The following MCTP1 variants were observed in gnomAD, a reference collection of about 807,000 sequenced individuals.
MCTP1 encodes multiple C2 and transmembrane domain-containing protein 1.
Under a neutral mutation model 120.6 loss-of-function variants are expected in MCTP1, and 69 were observed. That is an observed-to-expected ratio of 0.57 (90% CI 0.47 to 0.70). The LOEUF is 0.70. MCTP1 is among the 30% of genes least tolerant of loss of function. The pLI, the probability that MCTP1 is intolerant of heterozygous loss-of-function variation, is 0.00. For synonymous variants in MCTP1, 529 were observed against 493.1 expected (o/e 1.07, Z -0.96); for missense variants, 1,203 against 1,248.8 (o/e 0.96, Z 0.55).
intron 1 of MCTP1, among the ~76,000 whole-genome samples, chr5:95,052,262 T>C (rs946566794): frequency 6.6e-6 from 1 of 152,200 alleles, no homozygotes; most frequent in Non-Finnish European, 1.5e-5. Flanking sequence ...TTTCTCAAAA[T>C]GTGGTCCACT....
intron 1 of MCTP1, among the ~76,000 whole-genome samples, chr5:95,108,506 C>T (rs543065528): frequency 6.6e-6 from 1 of 152,268 alleles, no homozygotes; most frequent in Non-Finnish European, 1.5e-5. Context: ...ACTACAAAGC[C>T]GAGGGGATGG....
intron 1 of MCTP1, among the ~76,000 whole-genome samples, chr5:95,051,269 C>A (rs1745834202): frequency 6.6e-6 from 1 of 152,058 alleles, no homozygotes; most frequent in Non-Finnish European, 1.5e-5. Flanking sequence ...TGCCTTGTAC[C>A]CCAGTCTTAG....
At chr5:95,048,254 A>G (rs1745054250) in intron 1 of MCTP1, among the ~76,000 whole-genome samples, 2 of 152,182 alleles carry the variant, frequency 1.3e-5, no homozygotes, top group Admixed American at 1.3e-4. Context: ...ATGGCAAGGA[A>G]AATGCATAAC....
At chr5:95,238,350 A>G (rs1266349301) in intron 1 of MCTP1, among the ~76,000 whole-genome samples, 1 of 152,206 alleles carries the variant, frequency 6.6e-6, no homozygotes, top group East Asian at 1.9e-4. Flanking sequence ...CATATACCAA[A>G]TGTAATAGAA....
chr5:94,708,655 G>C, intron 21 of MCTP1, 46 bp from the exon 22 acceptor site: 1 of 1,250,044 alleles, frequency 8.0e-7, no homozygotes, highest in Non-Finnish European at 1.2e-6. Context: ...TGACAAAAGT[G>C]TTGTAGTAAT....
intron 1 of MCTP1, among the ~76,000 whole-genome samples, chr5:95,230,898 A>T (rs1038824808): frequency 6.6e-6 from 1 of 152,170 alleles, no homozygotes; most frequent in African/African-American, 2.4e-5. Flanking sequence ...CACATGCTGA[A>T]AAAAACTTCC....
Position 94,794,175 on chromosome 5 carries a change from G to C in MCTP1, c.2556+4838C>G, listed in dbSNP as rs184417455. On this transcript the variant is annotated intron_variant, in intron 18 of 22. Transcript: ENST00000515393. ...CATTGATTAGATAACTGAGATTGTT[G>C]TGTGGGAGGAATATCATGACAGTAA... 9.8e-4 allele frequency among the ~76,000 whole-genome samples: 150 copies of C among 152,338 alleles called. 3 individuals are homozygous for C. The South Asian group carries it at 0.012, about 13-fold the overall frequency.
At chr5:94,818,027 C>A (rs1443426126) in intron 17 of MCTP1, among the ~76,000 whole-genome samples, 2 of 152,170 alleles carry the variant, frequency 1.3e-5, no homozygotes, top group African/African-American at 4.8e-5. Flanking sequence ...CAAATCAGAA[C>A]AGTGAGACTC....
At chr5:95,202,977 C>A (rs1019170453) in intron 1 of MCTP1, among the ~76,000 whole-genome samples, 7 of 152,178 alleles carry the variant, frequency 4.6e-5, no homozygotes, top group African/African-American at 1.2e-4. Flanking sequence ...GATCCACCCA[C>A]CTCAGGCTCC....
At chr5:95,044,848 A>C (rs1297474295) in intron 1 of MCTP1, among the ~76,000 whole-genome samples, 1 of 151,884 alleles carries the variant, frequency 6.6e-6, no homozygotes, top group Non-Finnish European at 1.5e-5. Flanking sequence ...GTCATCCCTA[A>C]CGTGAATCAG....
chr5:94,782,894 CTT>C (rs1776869298), intron 18 of MCTP1, among the ~76,000 whole-genome samples: 1 of 152,050 alleles, frequency 6.6e-6, no homozygotes, highest in Non-Finnish European at 1.5e-5. Context: ...GGTTTTTTCT[CTT>C]TTTTCTTAAG....
intron 1 of MCTP1, among the ~76,000 whole-genome samples, chr5:95,049,821 C>T (rs1745431966): frequency 6.6e-6 from 1 of 152,140 alleles, no homozygotes; most frequent in African/African-American, 2.4e-5. Flanking sequence ...TGAAAATGGG[C>T]AAGTTAGCTT....
At chr5:94,835,715 A>G (rs1168157418) in intron 17 of MCTP1, among the ~76,000 whole-genome samples, 1 of 152,184 alleles carries the variant, frequency 6.6e-6, no homozygotes, top group Non-Finnish European at 1.5e-5. Context: ...TCTCAAGAGA[A>G]TTCTTCAGGC....
chr5:95,257,331 A>C (rs1757991345), intron 1 of MCTP1, among the ~76,000 whole-genome samples: 1 of 152,136 alleles, frequency 6.6e-6, no homozygotes, highest in Non-Finnish European at 1.5e-5. Flanking sequence ...GATCTGTCTC[A>C]TTTTACTTTT....
At chr5:95,086,413 TATTTA>T (rs1325548437) in intron 1 of MCTP1, among the ~76,000 whole-genome samples, 3 of 152,220 alleles carry the variant, frequency 2.0e-5, no homozygotes, top group African/African-American at 7.2e-5. Flanking sequence ...GCTGAGGCAT[TATTTA>T]ATTTTACAGT....
chr5:94,910,133 T>C (rs58023385), intron 9 of MCTP1, among the ~76,000 whole-genome samples: 5,812 of 144,888 alleles, frequency 0.04, 154 homozygotes, highest in Non-Finnish European at 0.055. Flanking sequence ...TGTATACATG[T>C]ATATATGTAT....
At chr5:95,097,262 G>A (rs912000262) in intron 1 of MCTP1, among the ~76,000 whole-genome samples, 2 of 152,116 alleles carry the variant, frequency 1.3e-5, no homozygotes, top group African/African-American at 4.8e-5. Context: ...AAATAAGATA[G>A]GTTAATGTGA....
intron 2 of MCTP1, among the ~76,000 whole-genome samples, chr5:94,968,523 G>A (rs1826097532): frequency 6.6e-6 from 1 of 152,112 alleles, no homozygotes; most frequent in Non-Finnish European, 1.5e-5. Flanking sequence ...TAATTTTATT[G>A]TAATAGAACT....
intron 2 of MCTP1, among the ~76,000 whole-genome samples, chr5:95,003,641 C>A (rs1187468076): frequency 1.3e-5 from 2 of 152,180 alleles, no homozygotes; most frequent in African/African-American, 2.4e-5. Context: ...TACAGTAGGT[C>A]CTCACTCAAC....
Sources: allele counts gnomAD v4.1 joint callset (sites outside exome capture counted in the v4.1 genomes callset), GRCh38; gene constraint gnomAD v4.1.1; transcripts MANE v1.5; gene names NCBI Gene and HGNC (gene_info 2026-07-23, HGNC 2026-07-21).